Variants in PIP5K1A observed in about 807,000 individuals in gnomAD.
PIP5K1A encodes the protein phosphatidylinositol-4-phosphate 5-kinase type 1 alpha, also known as phosphatidylinositol 4-phosphate 5-kinase type-1 alpha.
In PIP5K1A, 46 loss-of-function variants were observed where a neutral mutation model predicts 72.9. That is an observed-to-expected ratio of 0.63 (90% CI 0.50 to 0.81). The LOEUF (loss-of-function observed/expected upper bound fraction) is 0.81, where lower values mean the gene tolerates loss of function less well. Ranked by LOEUF, PIP5K1A falls within the 30% of genes least tolerant of loss-of-function variation. The pLI is 0.00. For synonymous variants in PIP5K1A, 228 were observed against 255.1 expected (o/e 0.89, Z 1.01); for missense variants, 458 against 706.1 (o/e 0.65, Z 3.98).
chr1:151,240,527 G>A (rs372451417), intron 12 of PIP5K1A, among the ~76,000 whole-genome samples: 18 of 152,234 alleles, frequency 1.2e-4, no homozygotes, highest in African/African-American at 3.1e-4. Context: ...AATCTTCCAT[G>A]CTGCTGCCAT....
At chr1:151,201,095 A>G (rs587623147) in intron 1 of PIP5K1A, among the ~76,000 whole-genome samples, 2 of 152,276 alleles carry the variant, frequency 1.3e-5, no homozygotes, top group African/African-American at 4.8e-5. Context: ...TGGCTTCCCA[A>G]AGTGCTGGGA....
intron 12 of PIP5K1A, among the ~76,000 whole-genome samples, 196 bp from the exon 13 acceptor site, chr1:151,241,927 C>T (rs1341494551): frequency 1.3e-5 from 2 of 152,088 alleles, no homozygotes; most frequent in Non-Finnish European, 2.9e-5. Context: ...GTTTTCATGC[C>T]TCTTGGAAAG....
intron 9 of PIP5K1A, among the ~76,000 whole-genome samples, 181 bp from the exon 10 acceptor site, chr1:151,238,001 G>A (rs2101520726): frequency 6.6e-6 from 1 of 152,194 alleles, no homozygotes; most frequent in South Asian, 2.1e-4. Flanking sequence ...TTAGAGGAAG[G>A]ATCTCATTTT....
intron 1 of PIP5K1A, among the ~76,000 whole-genome samples, chr1:151,203,858 C>T (rs1235577609): frequency 3.3e-5 from 5 of 151,542 alleles, no homozygotes; most frequent in Admixed American, 6.6e-5. Context: ...AGCACTTAAA[C>T]CCTAGATAAT....
At chr1:151,209,258 G>A (rs1686425515) in intron 1 of PIP5K1A, among the ~76,000 whole-genome samples, 1 of 151,840 alleles carries the variant, frequency 6.6e-6, no homozygotes, top group Admixed American at 6.6e-5. Flanking sequence ...CTATTATATT[G>A]TAAGGGATCT....
intron 14 of PIP5K1A, among the ~76,000 whole-genome samples, chr1:151,246,542 C>T (rs1692540857): frequency 6.6e-6 from 1 of 152,096 alleles, no homozygotes; most frequent in African/African-American, 2.4e-5. Flanking sequence ...AATGGACATT[C>T]CATCTCCTGT....
At chr1:151,205,413 C>T (rs947009963) in intron 1 of PIP5K1A, among the ~76,000 whole-genome samples, 4 of 152,104 alleles carry the variant, frequency 2.6e-5, no homozygotes, top group South Asian at 2.1e-4. Context: ...TGGCCTCAAG[C>T]GATCCTCCTG....
At chr1:151,219,676 A>G (rs1688129490) in intron 1 of PIP5K1A, among the ~76,000 whole-genome samples, 1 of 151,706 alleles carries the variant, frequency 6.6e-6, no homozygotes, top group South Asian at 2.1e-4. Flanking sequence ...TCTGGGCGAC[A>G]AGAGTGAAAC....
intron 14 of PIP5K1A, among the ~76,000 whole-genome samples, chr1:151,243,291 T>G (rs1006502671): frequency 2.0e-5 from 3 of 152,196 alleles, no homozygotes; most frequent in Non-Finnish European, 4.4e-5. Context: ...GTCCAGAGTT[T>G]TATTACCTAA....
intron 4 of PIP5K1A, among the ~76,000 whole-genome samples, chr1:151,229,360 CTTT>C (rs587604327): frequency 7.6e-6 from 1 of 130,758 alleles, no homozygotes. Flanking sequence ...GCTTATTTAG[CTTT>C]TTTTTTTTTT....
intron 1 of PIP5K1A, among the ~76,000 whole-genome samples, chr1:151,219,874 C>T (rs1262119789): frequency 1.2e-4 from 15 of 120,778 alleles, no homozygotes; most frequent in African/African-American, 4.8e-4. Flanking sequence ...TTTTTTTTGC[C>T]GAGATGGGGT....
intron 3 of PIP5K1A, among the ~76,000 whole-genome samples, chr1:151,226,331 T>G (rs587699818): frequency 6.6e-6 from 1 of 151,796 alleles, no homozygotes; most frequent in Non-Finnish European, 1.5e-5. Flanking sequence ...GTGATCCACT[T>G]GCCTCCACCT....
chr1:151,234,443 T>C lies in PIP5K1A; in HGVS notation c.886T>C (p.Leu296=). 1 of 1,614,142 alleles carries C rather than the reference T, an allele frequency of 6.2e-7. No individual in the cohort carries two copies. The highest frequency in any genetic ancestry group is 8.5e-7 in the Non-Finnish European group (1 of 1,179,966). The part of the protein sequence containing the change: ...FLQDIPDGLF[L]DADMYNALCK... The stretch of plus-strand genomic sequence containing the variant: ...ACAAGACATCCCTGATGGTCTTTTT[T>C]TGGATGCTGACATGTACAACGCTCT... The change falls in exon 8 of 16, where the codon TTG becomes CTG. Residue 296 remains leucine (L), a synonymous_variant. Coordinates refer to ENST00000368888, the MANE Select transcript of PIP5K1A (RefSeq NM_001135638.2).
chr1:151,216,359 A>C (rs1474900430), intron 1 of PIP5K1A, among the ~76,000 whole-genome samples: 1 of 152,098 alleles, frequency 6.6e-6, no homozygotes, highest in Admixed American at 6.6e-5. Context: ...AAAAAAAAAA[A>C]AAAAAAACAG....
rs184035801 is a variant in PIP5K1A at position 151,227,418 on chromosome 1, C to T, written c.237+18C>T. ...ATAAAAAGGTGTGTCTGGATGAAACCGTCTCATCTTACTCCAGGAGCTCAG... is the reference window on the plus strand; with the variant it reads ...ATAAAAAGGTGTGTCTGGATGAAACTGTCTCATCTTACTCCAGGAGCTCAG... On this transcript the variant is annotated intron_variant, in intron 4 of 15. Transcript: ENST00000368888. 11 of 1,551,612 alleles carry T rather than the reference C, an allele frequency of 7.1e-6. No homozygotes were observed. Among genetic ancestry groups the T allele is most frequent in the East Asian group, 2.2e-5 (1 of 44,556 alleles).
chr1:151,222,414 G>A (rs1177346567), intron 1 of PIP5K1A, among the ~76,000 whole-genome samples: 2 of 152,196 alleles, frequency 1.3e-5, no homozygotes, highest in Admixed American at 6.6e-5. Context: ...CAAGAGTGTA[G>A]CAGCCCTAGA....
In PIP5K1A at chr1:151,227,394, T is replaced by G. The variant is rs199964115; in HGVS notation, c.231T>G (p.Tyr77Ter). 6.2e-7 allele frequency: 1 copy of G among 1,608,622 alleles called. No individual in the cohort carries two copies. The highest frequency in any genetic ancestry group is 8.5e-7 in the Non-Finnish European group (1 of 1,175,180). The change falls in exon 4 of 16, where the codon TAT (tyrosine) becomes TAG (stop). Residue 77 changes from tyrosine to a stop codon, truncating the protein, a stop_gained. Transcript: ENST00000368888. LOFTEE classifies it high-confidence loss of function. The stretch of plus-strand genomic sequence containing the variant: ...TTGATTCCTCAGGAGAGACAACATA[T>G]AAAAAGGTGTGTCTGGATGAAACCG... The part of the protein sequence containing the change: ...RSVDSSGETT[Y>*]KKTTSSALKG...
chr1:151,202,784 T>A (rs1359766936), intron 1 of PIP5K1A, among the ~76,000 whole-genome samples: 1 of 150,856 alleles, frequency 6.6e-6, no homozygotes, highest in Non-Finnish European at 1.5e-5. Context: ...AGTCTTTTTT[T>A]TTTTTTGAGA....
At position 151,248,718 on chromosome 1, in the gene PIP5K1A, A is replaced by T. The variant is rs1473703613; in HGVS notation, c.*853A>T. On this transcript the variant is annotated 3_prime_UTR_variant, in exon 16 of 16. Transcript: ENST00000368888. Reference sequence around the variant, plus strand: ...AGAATCCTGTTCACTGCCAGGCTATAGTAATTATTACTATTTTGCAATTTG... The same window carrying T: ...AGAATCCTGTTCACTGCCAGGCTATTGTAATTATTACTATTTTGCAATTTG... 6.6e-6 allele frequency: 1 copy of T among 152,644 alleles called. No homozygotes were observed. Among genetic ancestry groups the T allele is most frequent in the Non-Finnish European group, 1.5e-5 (1 of 68,052 alleles). The allele number at this position is 152,644 out of a possible 1,614,324, so 9.5% of individuals were successfully genotyped here.
Sources: gnomAD v4.1 joint callset for allele counts (sites outside exome capture counted in the v4.1 genomes callset) on GRCh38, gnomAD v4.1.1 for gene constraint, MANE v1.5 for transcripts, NCBI Gene and HGNC (gene_info 2026-07-23, HGNC 2026-07-21) for gene names.